The following CDH4 variants were observed in gnomAD, a reference collection of about 807,000 sequenced individuals.
CDH4 encodes cadherin-4.
CDH4 carries 33 observed loss-of-function variants against 86.0 expected under a neutral mutation model. The ratio of observed to expected loss-of-function variants is 0.38; its 90% CI spans 0.29 to 0.51. The LOEUF is 0.51. Among genes scored for constraint, CDH4 ranks in the 20% least tolerant of loss-of-function variants. The pLI, the probability that CDH4 is intolerant of heterozygous loss-of-function variation, is 0.86. For missense variants in CDH4, 1,114 were observed against 1,307.4 expected (o/e 0.85, Z 2.28); for synonymous variants, 555 against 549.4 (o/e 1.01, Z -0.14).
Position 61,269,914 on chromosome 20 carries a change from C to T in CDH4, c.169+14977C>T, listed in dbSNP as rs1354959902. 1.3e-5 allele frequency among the ~76,000 whole-genome samples: 2 copies of T among 152,206 alleles called. No individual in the cohort carries two copies. The highest frequency in any genetic ancestry group is 2.9e-5 in the Non-Finnish European group (2 of 68,040). The stretch of plus-strand genomic sequence containing the variant: ...GGCTGTTGACGATGACCTTAAGCTC[C>T]CCTGACCAATCTCCTCCAGAATCTG... On this transcript the variant is annotated intron_variant, in intron 2 of 15. Transcript: ENST00000614565. The surrounding 1 kb of genome is among the most constrained non-coding windows in gnomAD (Gnocchi z 5.3).
intron 2 of CDH4, among the ~76,000 whole-genome samples, chr20:61,257,693 C>T (rs2084106348): frequency 6.6e-6 from 1 of 152,256 alleles, no homozygotes; most frequent in Non-Finnish European, 1.5e-5. Flanking sequence ...GCAGTGTTCT[C>T]TAAACCGTAG....
intron 2 of CDH4, among the ~76,000 whole-genome samples, chr20:61,690,746 C>A (rs879787929): frequency 2.0e-5 from 3 of 152,182 alleles, no homozygotes; most frequent in African/African-American, 4.8e-5. Context: ...CCTCTCCTCA[C>A]AATGGACTTG....
At chr20:61,918,576 G>A (rs2054930982) in intron 9 of CDH4, among the ~76,000 whole-genome samples, 1 of 152,170 alleles carries the variant, frequency 6.6e-6, no homozygotes, top group Admixed American at 6.5e-5. Flanking sequence ...GGAGCCACGA[G>A]GCATCTCACT....
At chr20:61,867,869 A>T (rs762904440) in intron 6 of CDH4, among the ~76,000 whole-genome samples, 2 of 152,196 alleles carry the variant, frequency 1.3e-5, no homozygotes, top group Non-Finnish European at 2.9e-5. Context: ...ACGAGGCGCG[A>T]TGCATCTGCC....
chr20:61,400,492 A>G (rs1377417116), intron 2 of CDH4, among the ~76,000 whole-genome samples: 9 of 152,144 alleles, frequency 5.9e-5, no homozygotes, highest in Admixed American at 5.9e-4. Context: ...TTGATAAGAG[A>G]CATCCCCTAA....
At chr20:61,457,168 C>A (rs1030823924) in intron 2 of CDH4, among the ~76,000 whole-genome samples, 1 of 152,080 alleles carries the variant, frequency 6.6e-6, no homozygotes, top group Non-Finnish European at 1.5e-5. Context: ...ACCACGGGGG[C>A]CCTTTTGGAG....
chr20:61,314,229 A>G (rs533267263), intron 2 of CDH4, among the ~76,000 whole-genome samples: 10 of 152,274 alleles, frequency 6.6e-5, no homozygotes, highest in African/African-American at 2.2e-4. Flanking sequence ...GAAATCACCC[A>G]TCTTAGAACT....
intron 2 of CDH4, chr20:61,499,349 G>A: frequency 1.2e-6 from 1 of 838,284 alleles, no homozygotes; most frequent in Admixed American, 2.4e-5. Context: ...TCGCCACCTA[G>A]AAGGATAGCA....
At chr20:61,617,420 A>G (rs1018601187) in intron 2 of CDH4, among the ~76,000 whole-genome samples, 2 of 152,228 alleles carry the variant, frequency 1.3e-5, no homozygotes, top group South Asian at 4.1e-4. Flanking sequence ...AAAGCATTGT[A>G]GCTGCAGACA....
At position 61,269,775 on chromosome 20, in the gene CDH4, T is replaced by A. The variant is rs1568774732; in HGVS notation, c.169+14838T>A. Among the ~76,000 whole-genome samples, 1 of 152,110 alleles carries A rather than the reference T, an allele frequency of 6.6e-6. No individual in the cohort carries two copies. Among genetic ancestry groups the A allele is most frequent in the Admixed American group, 6.5e-5 (1 of 15,276 alleles). On this transcript the variant is annotated intron_variant, in intron 2 of 15. Coordinates refer to ENST00000614565, the MANE Select transcript of CDH4 (RefSeq NM_001794.5). The surrounding 1 kb of genome is among the most constrained non-coding windows in gnomAD (Gnocchi z 5.3). ...GATATTTGGGAAAGGTGAGTTGCTC[T>A]CCCAACCCCAGGCTCCAGAGGCTCC...
chr20:61,652,228 A>C (rs1009662235), intron 2 of CDH4, among the ~76,000 whole-genome samples: 8 of 152,206 alleles, frequency 5.3e-5, no homozygotes, highest in Non-Finnish European at 8.8e-5. Flanking sequence ...ACAGAACCCC[A>C]GTATCCACGT....
At chr20:61,307,473 G>A (rs1378356393) in intron 2 of CDH4, among the ~76,000 whole-genome samples, 2 of 152,232 alleles carry the variant, frequency 1.3e-5, no homozygotes, top group South Asian at 2.1e-4. Flanking sequence ...CACGTTGCGC[G>A]TATCATTCGC....
intron 2 of CDH4, among the ~76,000 whole-genome samples, chr20:61,645,638 A>AT (rs1019203484): frequency 6.6e-6 from 1 of 151,926 alleles, no homozygotes; most frequent in Admixed American, 6.6e-5. Flanking sequence ...TCAAAAAAAA[A>AT]AAAAAAATTA....
Position 61,677,854 on chromosome 20 carries a change from A to G in CDH4, c.170-65709A>G, listed in dbSNP as rs146580725. ...GGAGGACAGATGATAGGCTAGATAG[A>G]TAATAGATGGATAGATGATGGATAG... On this transcript the variant is annotated intron_variant, in intron 2 of 15. Transcript: ENST00000614565. 9.7e-5 allele frequency among the ~76,000 whole-genome samples: 14 copies of G among 144,186 alleles called. No homozygotes were observed. In the East Asian group the frequency reaches 2.0e-3, roughly 21 times the overall value. 94.6% of individuals were successfully genotyped at this position (144,186 alleles called of 152,430 possible). A position where few individuals can be genotyped will look rare whatever the true frequency, so the allele number is the denominator to read the frequency against.
chr20:61,675,124 G>T (rs1381572155), intron 2 of CDH4, among the ~76,000 whole-genome samples: 1 of 152,254 alleles, frequency 6.6e-6, no homozygotes, highest in African/African-American at 2.4e-5. Context: ...CGTGTGACAG[G>T]CTGCTGTTTT....
At chr20:61,927,366 T>A (rs1164773415) in intron 11 of CDH4, among the ~76,000 whole-genome samples, 18 of 152,136 alleles carry the variant, frequency 1.2e-4, no homozygotes, top group Non-Finnish European at 5.9e-5. Flanking sequence ...GGGACAGGGA[T>A]GGCCCCTGAG....
intron 2 of CDH4, among the ~76,000 whole-genome samples, chr20:61,342,348 A>G (rs1218855070): frequency 6.6e-6 from 1 of 152,226 alleles, no homozygotes; most frequent in Non-Finnish European, 1.5e-5. Flanking sequence ...AGTCAGTGGG[A>G]GCCCTGAGCT....
chr20:61,685,302 G>A (rs953137519), intron 2 of CDH4, among the ~76,000 whole-genome samples: 2 of 152,158 alleles, frequency 1.3e-5, no homozygotes, highest in Non-Finnish European at 2.9e-5. Flanking sequence ...CTTCAAAGCC[G>A]CCTCCACTCA....
chr20:61,588,739 C>T (rs961168976), intron 2 of CDH4, among the ~76,000 whole-genome samples: 2 of 152,224 alleles, frequency 1.3e-5, no homozygotes, highest in African/African-American at 4.8e-5. Context: ...CAAGGTGGTT[C>T]TCAGCCATTT....
Sources: gnomAD v4.1 joint callset for allele counts (sites outside exome capture counted in the v4.1 genomes callset) on GRCh38, gnomAD v4.1.1 for gene constraint, Gnocchi (gnomAD v3.1) non-coding constraint, MANE v1.5 for transcripts, NCBI Gene and HGNC (gene_info 2026-07-23, HGNC 2026-07-21) for gene names.